TNK2: variants seen among roughly 807,000 people sequenced by gnomAD.
TNK2 encodes tyrosine kinase non receptor 2.
TNK2 carries 83 observed loss-of-function variants against 101.8 expected under a neutral mutation model. The ratio of observed to expected loss-of-function variants is 0.82; its 90% CI spans 0.68 to 0.98. TNK2 has a LOEUF of 0.98. TNK2 is among the 50% of genes least tolerant of loss of function. The pLI, the probability that TNK2 is intolerant of heterozygous loss-of-function variation, is 0.00. For missense variants in TNK2, 1,665 were observed against 1,483.2 expected (o/e 1.12, Z -2.01); for synonymous variants, 804 against 633.0 (o/e 1.27, Z -4.06).
Position 195,868,008 on chromosome 3 carries a change from G to T in TNK2, c.2290C>A (p.Pro764Thr), listed in dbSNP as rs1560472879. Residue 764 changes from proline to threonine, a missense_variant, in exon 13 of 16, where the codon CCC becomes ACC. This residue lies in a region of TNK2 where 1,136 missense variants were observed against 894.9 expected (regional missense o/e 1.27). Coordinates refer to ENST00000672887, the MANE Select transcript of TNK2 (RefSeq NM_001382273.1). ...VPPRVPIPPR[P>T]TRPHVQLSPA... The stretch of plus-strand genomic sequence containing the variant: ...GACAGCTGGACGTGTGGGCGCGTGG[G>T]CCGAGGGGGGATGGGTACCCGAGGA... 6.3e-7 allele frequency: 1 copy of T among 1,575,008 alleles called. No homozygotes were observed. Among genetic ancestry groups the T allele is most frequent in the Non-Finnish European group, 8.6e-7 (1 of 1,167,844 alleles).
intron 12 of TNK2, 161 bp from the exon 13 acceptor site, chr3:195,868,870 C>T (rs573221135): frequency 6.6e-4 from 533 of 801,722 alleles, no homozygotes; most frequent in Non-Finnish European, 9.2e-4. Context: ...AGGTTCTCAG[C>T]GCACCTCCGA....
intron 1 of TNK2, among the ~76,000 whole-genome samples, chr3:195,899,308 A>C (rs948484119): frequency 6.6e-6 from 1 of 152,124 alleles, no homozygotes; most frequent in Non-Finnish European, 1.5e-5. Flanking sequence ...CTACACAATA[A>C]TACATGTGAA....
chr3:195,876,631 C>G (rs528612234), intron 9 of TNK2: 2 of 456,018 alleles, frequency 4.4e-6, no homozygotes, highest in Admixed American at 4.7e-5. Flanking sequence ...GCTCCAGGCA[C>G]GGAGGGCAGG....
In TNK2 at chr3:195,864,058, A is replaced by C; in HGVS notation, c.*123T>G. On this transcript the variant is annotated 3_prime_UTR_variant, in exon 16 of 16. Coordinates refer to ENST00000672887, the MANE Select transcript of TNK2 (RefSeq NM_001382273.1). ...CCTCCCGCAGCCTTGGCCTTGCTCC[A>C]TCCCCGGGAGCAGCAGGAGCAGCGG... The C allele has an allele frequency of 7.3e-7, 1 of 1,371,352 alleles. No individual in the cohort carries two copies. Among genetic ancestry groups the C allele is most frequent in the Non-Finnish European group, 1.0e-6 (1 of 974,714 alleles). The allele number at this position is 1,371,352 out of a possible 1,614,324, so 84.9% of individuals were successfully genotyped here. A position where few individuals can be genotyped will look rare whatever the true frequency, so the allele number is the denominator to read the frequency against.
intron 1 of TNK2, among the ~76,000 whole-genome samples, chr3:195,900,928 G>A (rs533771369): frequency 1.7e-4 from 26 of 152,354 alleles, no homozygotes; most frequent in African/African-American, 6.0e-4. Flanking sequence ...GTCCAGAGCT[G>A]AAGGGGCCTA....
chr3:195,872,978 C>T (rs1746483806), intron 9 of TNK2, among the ~76,000 whole-genome samples: 1 of 152,170 alleles, frequency 6.6e-6, no homozygotes, highest in Non-Finnish European at 1.5e-5. Flanking sequence ...GGGCCTTGCA[C>T]TAGGCTGGGG....
intron 9 of TNK2, among the ~76,000 whole-genome samples, chr3:195,877,139 TG>T (rs1018268700): frequency 1.3e-5 from 2 of 152,244 alleles, no homozygotes; most frequent in South Asian, 2.1e-4. Context: ...ATCCCATCCC[TG>T]GCCCCTCAGC....
At chr3:195,864,307 A>G in intron 15 of TNK2, 120 bp from the exon 16 acceptor site, 1 of 1,120,286 alleles carries the variant, frequency 8.9e-7, no homozygotes, top group East Asian at 2.4e-5. Context: ...CCCGGCAAGG[A>G]CTGTAAAATT....
At chr3:195,868,756 C>T (rs1415770399) in intron 12 of TNK2, 47 bp from the exon 13 acceptor site, 1 of 1,506,186 alleles carries the variant, frequency 6.6e-7, no homozygotes, top group African/African-American at 1.4e-5. Flanking sequence ...CAGGCAGGGT[C>T]TGGGACACGA....
intron 10 of TNK2, among the ~76,000 whole-genome samples, chr3:195,871,169 G>A (rs1455650924): frequency 3.3e-5 from 5 of 151,994 alleles, no homozygotes; most frequent in Admixed American, 3.3e-4. Flanking sequence ...CCAGCAGAGA[G>A]GCTTGGAGGC....
chr3:195,868,828 C>T (rs974043189), intron 12 of TNK2, 119 bp from the exon 13 acceptor site: 1 of 1,258,242 alleles, frequency 7.9e-7, no homozygotes, highest in Admixed American at 3.1e-5. Context: ...CTCCCAACTC[C>T]CCCCGAGGTC....
rs368896724 is a variant in TNK2, at chr3:195,868,242, C to T, written c.2056G>A (p.Ala686Thr). 2.5e-5 allele frequency: 40 copies of T among 1,605,412 alleles called. No individual in the cohort carries two copies. The highest frequency in any genetic ancestry group is 1.5e-4 in the African/African-American group (11 of 74,822). The change falls in exon 13 of 16, where the codon GCC becomes ACC. Residue 686 changes from alanine (A) to threonine (T), a missense_variant. Coordinates refer to ENST00000672887, the MANE Select transcript of TNK2 (RefSeq NM_001382273.1). ...GGCCGCGCCTGCTCAGGCACAAAGG[C>T]GTAGTTGGTCTGGCCCTGGCTGGGC... is the stretch of plus-strand genomic sequence containing the variant. Reference protein sequence around the residue: ...AGPSQGQTNYAFVPEQARPPP... With the variant: ...AGPSQGQTNYTFVPEQARPPP...
At chr3:195,904,181 C>T (rs1761503449) in intron 1 of TNK2, among the ~76,000 whole-genome samples, 1 of 151,558 alleles carries the variant, frequency 6.6e-6, no homozygotes, top group Non-Finnish European at 1.5e-5. Flanking sequence ...TCACCTGAGC[C>T]CAGGAAGTCG....
chr3:195,884,772 C>A, intron 4 of TNK2, 40 bp downstream of exon 4: 2 of 1,558,680 alleles, frequency 1.3e-6, no homozygotes, highest in Non-Finnish European at 1.7e-6. Context: ...AGCCCCGGGT[C>A]CCATGCCTCT....
At chr3:195,895,562 G>A in intron 1 of TNK2, 2 of 1,323,298 alleles carry the variant, frequency 1.5e-6, no homozygotes, top group East Asian at 3.1e-5. Context: ...CCTCCTCTCC[G>A]GGGCGCGGCT....
chr3:195,893,855 G>A (rs2149781418), intron 1 of TNK2, among the ~76,000 whole-genome samples: 1 of 152,300 alleles, frequency 6.6e-6, no homozygotes, highest in South Asian at 2.1e-4. Flanking sequence ...CAGCATCCCA[G>A]GCTCCCTTCC....
rs761873521 is a variant in TNK2 at position 195,868,170 on chromosome 3, C to G, written c.2128G>C (p.Gly710Arg). The change falls in exon 13 of 16, where the codon GGC becomes CGC. Residue 710 changes from glycine to arginine, a missense_variant. Physicochemically the swap from Gly to Arg is moderately radical, Grantham distance 125. This residue lies in a region of TNK2 where 1,136 missense variants were observed against 894.9 expected (regional missense o/e 1.27). Transcript: ENST00000672887. ...DNLFLPPQGG[G>R]KPPSSAQTAE... ...GTCTGTGCGGAGCTGGGCGGCTTGC[C>G]CCCACCCTGGGGCGGGAGGAACAGG... 6.2e-7 allele frequency: 1 copy of G among 1,610,350 alleles called. No homozygotes were observed. Among genetic ancestry groups the G allele is most frequent in the South Asian group, 1.1e-5 (1 of 90,864 alleles).
chr3:195,864,010 G>C lies in TNK2; in HGVS notation c.*171C>G. On this transcript the variant is annotated 3_prime_UTR_variant, in exon 16 of 16. Transcript: ENST00000672887. ...GCAGGGACAGCGCTGGTGCAGGAGG[G>C]ATGGGCAGGGCAGGGCTCCCAGCCT... 1.3e-6 allele frequency: 1 copy of C among 799,122 alleles called. No homozygotes were observed. Among genetic ancestry groups the C allele is most frequent in the East Asian group, 2.5e-5 (1 of 40,024 alleles). 49.5% of individuals were successfully genotyped at this position (799,122 alleles called of 1,614,324 possible). A position where few individuals can be genotyped will look rare whatever the true frequency, so the allele number is the denominator to read the frequency against.
rs202132773 is a variant in TNK2 at position 195,867,255 on chromosome 3, T to C, written c.2947A>G (p.Met983Val). The C allele has an allele frequency of 5.0e-6, 8 of 1,612,322 alleles. No individual in the cohort carries two copies. In the East Asian group the frequency reaches 1.1e-4, roughly 22 times the overall value. The change falls in exon 14 of 16, where the codon ATG becomes GTG. Residue 983 changes from methionine (M) to valine (V), a missense_variant. Coordinates refer to ENST00000672887, the MANE Select transcript of TNK2 (RefSeq NM_001382273.1). ...TCCTCTGTGGTCACCCCATGCACCA[T>C]GGCCTGCAGCTGGGCACACCCACCC... ...PADKIQMLQA[M>V]VHGVTTEECQ...
Sources: gnomAD v4.1 joint callset for allele counts (sites outside exome capture counted in the v4.1 genomes callset) on GRCh38, gnomAD v4.1.1 for gene constraint, gnomAD v4.1.1 regional missense constraint, MANE v1.5 for transcripts, NCBI Gene and HGNC (gene_info 2026-07-23, HGNC 2026-07-21) for gene names.